Variants in PTPRD observed in about 807,000 individuals in gnomAD.
PTPRD encodes receptor-type tyrosine-protein phosphatase delta.
PTPRD carries 34 observed loss-of-function variants against 214.5 expected under a neutral mutation model. The ratio of observed to expected loss-of-function variants is 0.16; its 90% CI spans 0.12 to 0.21. PTPRD has a LOEUF of 0.21. Among genes scored for constraint, PTPRD ranks in the 10% least tolerant of loss-of-function variants. The pLI is 1.00. For missense variants in PTPRD, 2,545 were observed against 2,398.7 expected (o/e 1.06, Z -1.27); for synonymous variants, 1,128 against 845.7 (o/e 1.33, Z -5.79).
chr9:9,273,202 G>T (rs556356878), intron 9 of PTPRD, among the ~76,000 whole-genome samples: 17 of 151,346 alleles, frequency 1.1e-4, no homozygotes, highest in African/African-American at 3.6e-4. Flanking sequence ...TGATTTCCAA[G>T]TTGCTAGTAA....
At chr9:8,498,989 A>G (rs1348494836) in intron 25 of PTPRD, among the ~76,000 whole-genome samples, 1 of 152,156 alleles carries the variant, frequency 6.6e-6, no homozygotes, top group African/African-American at 2.4e-5. Flanking sequence ...CCTAAGATCA[A>G]TACAATTTCT....
intron 11 of PTPRD, among the ~76,000 whole-genome samples, chr9:9,018,195 T>C (rs535016865): frequency 5.3e-5 from 8 of 152,224 alleles, no homozygotes; most frequent in Non-Finnish European, 1.0e-4. Flanking sequence ...CATTCCACTA[T>C]TGGGTGGTTG....
chr9:10,370,163 CGTT>C (rs1316583224), intron 2 of PTPRD, among the ~76,000 whole-genome samples: 2 of 151,964 alleles, frequency 1.3e-5, no homozygotes, highest in Non-Finnish European at 2.9e-5. Flanking sequence ...ATCAGTAGGA[CGTT>C]GTTAAGTCAC....
chr9:9,294,786 G>C (rs1952441452), intron 9 of PTPRD, among the ~76,000 whole-genome samples: 2 of 151,742 alleles, frequency 1.3e-5, no homozygotes, highest in African/African-American at 4.8e-5. Context: ...TGGGTATTTT[G>C]TTATGGTAGC....
intron 3 of PTPRD, among the ~76,000 whole-genome samples, chr9:10,284,835 T>C (rs991007385): frequency 6.6e-6 from 1 of 152,148 alleles, no homozygotes; most frequent in Admixed American, 6.5e-5. Context: ...GGAATCCTTT[T>C]AAGGATTCCC....
intron 8 of PTPRD, among the ~76,000 whole-genome samples, chr9:9,438,728 C>A (rs78455640): frequency 0.014 from 2,165 of 152,128 alleles, 25 homozygotes; most frequent in Non-Finnish European, 0.022. Flanking sequence ...TCCAAAATTG[C>A]AATTTGAGAA....
chr9:8,497,849 T>C (rs1358883291), intron 25 of PTPRD, among the ~76,000 whole-genome samples: 1 of 152,200 alleles, frequency 6.6e-6, no homozygotes, highest in Non-Finnish European at 1.5e-5. Flanking sequence ...TATTTTGCAA[T>C]GGAACTAGGG....
At chr9:9,504,419 T>A (rs774247401) in intron 8 of PTPRD, among the ~76,000 whole-genome samples, 13 of 151,672 alleles carry the variant, frequency 8.6e-5, no homozygotes, top group Non-Finnish European at 1.3e-4. Context: ...ATACAACCCT[T>A]GTCTCCATTC....
chr9:8,463,187 A>G (rs2096461261), intron 32 of PTPRD, among the ~76,000 whole-genome samples: 2 of 151,128 alleles, frequency 1.3e-5, no homozygotes, highest in South Asian at 4.2e-4. Context: ...CTTGTATACT[A>G]CTCTTCTCTC....
At chr9:9,497,230 A>G (rs144019187) in intron 8 of PTPRD, among the ~76,000 whole-genome samples, 1 of 152,204 alleles carries the variant, frequency 6.6e-6, no homozygotes, top group Non-Finnish European at 1.5e-5. Context: ...ACACTTAAAA[A>G]TGGTTAGGAT....
chr9:8,397,239 A>G (rs1027140286), intron 36 of PTPRD, among the ~76,000 whole-genome samples: 1 of 152,154 alleles, frequency 6.6e-6, no homozygotes, highest in African/African-American at 2.4e-5. Context: ...TTCACTAGTG[A>G]CTGGGAAAGA....
intron 11 of PTPRD, among the ~76,000 whole-genome samples, chr9:8,833,687 C>CT (rs1555404395): frequency 1.5e-3 from 187 of 124,956 alleles, no homozygotes; most frequent in African/African-American, 5.7e-3. Flanking sequence ...AAAACTCTCT[C>CT]CTCTCTCTCT....
At chr9:9,212,341 C>G (rs138169487) in intron 9 of PTPRD, among the ~76,000 whole-genome samples, 1 of 152,244 alleles carries the variant, frequency 6.6e-6, no homozygotes, top group African/African-American at 2.4e-5. Context: ...CACCCCTAGG[C>G]CTCTGTGATT....
intron 3 of PTPRD, among the ~76,000 whole-genome samples, chr9:10,138,864 C>T (rs761989209): frequency 8.4e-4 from 128 of 151,956 alleles, no homozygotes; most frequent in Non-Finnish European, 2.4e-4. Context: ...CATGAAGTAA[C>T]CCTCAGCAAA....
intron 13 of PTPRD, among the ~76,000 whole-genome samples, chr9:8,635,835 T>A (rs1375609630): frequency 2.0e-5 from 3 of 152,160 alleles, no homozygotes; most frequent in African/African-American, 7.2e-5. Context: ...TGTGTGCCCA[T>A]AATCTGTGTA....
chr9:8,690,210 C>T (rs935863588), intron 12 of PTPRD, among the ~76,000 whole-genome samples: 1 of 151,854 alleles, frequency 6.6e-6, no homozygotes, highest in African/African-American at 2.4e-5. Flanking sequence ...ACATATATGA[C>T]TTTACATAAT....
At chr9:9,965,268 G>C (rs2094605859) in intron 4 of PTPRD, among the ~76,000 whole-genome samples, 1 of 152,144 alleles carries the variant, frequency 6.6e-6, no homozygotes, top group South Asian at 2.1e-4. Flanking sequence ...CTTTGGAGTG[G>C]ATGCAGCAGG....
chr9:9,855,240 G>C (rs1352107882), intron 5 of PTPRD, among the ~76,000 whole-genome samples: 1 of 152,054 alleles, frequency 6.6e-6, no homozygotes, highest in African/African-American at 2.4e-5. Context: ...TTACAGGAAG[G>C]AAATTTAAAA....
intron 11 of PTPRD, among the ~76,000 whole-genome samples, chr9:8,891,162 C>T (rs1388318497): frequency 1.6e-4 from 9 of 56,994 alleles, no homozygotes; most frequent in African/African-American, 6.2e-4. Context: ...GAGACTGAGT[C>T]TCCCTCTGTT....
Sources: allele counts gnomAD v4.1 joint callset (sites outside exome capture counted in the v4.1 genomes callset), GRCh38; gene constraint gnomAD v4.1.1; transcripts MANE v1.5; gene names NCBI Gene and HGNC (gene_info 2026-07-23, HGNC 2026-07-21).